Variants in TJP1 observed in about 807,000 individuals in gnomAD.
The protein encoded by TJP1 is tight junction protein ZO-1.
A neutral mutation model predicts 194.2 loss-of-function variants in TJP1; 43 were observed. The ratio of observed to expected loss-of-function variants is 0.22; its 90% confidence interval spans 0.17 to 0.29. TJP1 has a LOEUF of 0.29. Ranked by LOEUF, TJP1 falls within the 10% of genes least tolerant of loss-of-function variation. The probability of loss-of-function intolerance (pLI) is 1.00; values close to 1 mark genes in which losing one functional copy is unlikely to be tolerated. For missense variants in TJP1, 1,971 were observed against 2,185.7 expected (o/e 0.90, Z 1.96); for synonymous variants, 801 against 779.0 (o/e 1.03, Z -0.47).
intron 2 of TJP1, among the ~76,000 whole-genome samples, chr15:29,846,102 G>C (rs1410413931): frequency 6.6e-6 from 1 of 151,994 alleles, no homozygotes; most frequent in East Asian, 1.9e-4. Flanking sequence ...TTCTTCTCTT[G>C]CCTCCTGACC....
chr15:29,737,505 T>A (rs1486070116), intron 10 of TJP1, 91 bp from the exon 11 acceptor site: 2 of 1,397,408 alleles, frequency 1.4e-6, no homozygotes, highest in African/African-American at 3.1e-5. Flanking sequence ...CAGAATTAAA[T>A]AAAGAACCAT....
rs890607124 is a variant in TJP1 at position 29,720,440 on chromosome 15, G to A, written c.2681C>T (p.Thr894Ile). 5 of 1,614,000 alleles carry A rather than the reference G, an allele frequency of 3.1e-6. No homozygotes were observed. The highest frequency in any genetic ancestry group is 4.2e-6 in the Non-Finnish European group (5 of 1,180,024). The change falls in exon 19 of 28, where the codon ACA becomes ATA. Residue 894 changes from threonine to isoleucine, a missense_variant. Coordinates refer to ENST00000614355, the MANE Select transcript of TJP1 (RefSeq NM_001330239.4). ...DSSGMHHENQ[T>I]YPPYSPQAQP... ...CGCTTGTGGTGAGTAAGGAGGATAT[G>A]TTTGGTTTTCATGATGCATTCCAGA... is the stretch of plus-strand genomic sequence containing the variant.
intron 1 of TJP1, among the ~76,000 whole-genome samples, chr15:29,804,914 G>A (rs989462118): frequency 6.6e-6 from 1 of 152,140 alleles, no homozygotes; most frequent in Non-Finnish European, 1.5e-5. Context: ...GGAGACCAGA[G>A]CCGAAAGGTA....
At chr15:29,769,277 TG>T (rs1339246378) in intron 4 of TJP1, among the ~76,000 whole-genome samples, 1 of 152,200 alleles carries the variant, frequency 6.6e-6, no homozygotes, top group Non-Finnish European at 1.5e-5. Context: ...TGATTTAAAA[TG>T]TTTCATTTGA....
intron 2 of TJP1, among the ~76,000 whole-genome samples, chr15:29,831,008 C>T (rs1285789472): frequency 6.6e-6 from 1 of 151,948 alleles, no homozygotes; most frequent in African/African-American, 2.4e-5. Context: ...ACTGAAAAAC[C>T]CTGAATATCT....
At chr15:29,801,920 ATGT>A (rs1268298612) in intron 1 of TJP1, among the ~76,000 whole-genome samples, 2 of 152,094 alleles carry the variant, frequency 1.3e-5, no homozygotes, top group Non-Finnish European at 2.9e-5. Context: ...AAATCTCATA[ATGT>A]TGTAAGAAAA....
intron 2 of TJP1, among the ~76,000 whole-genome samples, chr15:29,935,217 C>G (rs1349547144): frequency 6.6e-6 from 1 of 152,190 alleles, no homozygotes; most frequent in Admixed American, 6.5e-5. Context: ...CAAACTGCCT[C>G]CACAGAACAT....
chr15:29,699,953 C>T, downstream of TJP1: 1 of 244,616 alleles, frequency 4.1e-6, no homozygotes, highest in Non-Finnish European at 7.7e-6. Context: ...CCTTCTGCCC[C>T]ACTTCAGTCT....
At chr15:29,863,052 TG>T (rs2052153099) in intron 2 of TJP1, among the ~76,000 whole-genome samples, 1 of 151,290 alleles carries the variant, frequency 6.6e-6, no homozygotes, top group Admixed American at 6.6e-5. Context: ...CCGAGCACTT[TG>T]GGAGGCCAAG....
intron 1 of TJP1, among the ~76,000 whole-genome samples, chr15:29,805,034 T>C (rs1022769170): frequency 4.6e-5 from 7 of 152,210 alleles, no homozygotes; most frequent in Non-Finnish European, 1.0e-4. Flanking sequence ...TATCAGACTA[T>C]AATTCCAATG....
chr15:29,949,909 C>T (rs867676734), intron 2 of TJP1, among the ~76,000 whole-genome samples: 2 of 62,620 alleles, frequency 3.2e-5, no homozygotes, highest in Non-Finnish European at 2.8e-5. Context: ...CAACCACCAC[C>T]TCCACCTCCA....
At chr15:29,841,097 C>T (rs1400474797) in intron 2 of TJP1, among the ~76,000 whole-genome samples, 2 of 152,110 alleles carry the variant, frequency 1.3e-5, no homozygotes, top group African/African-American at 4.8e-5. Context: ...CCATGAGCAA[C>T]AAGAACTCAC....
intron 2 of TJP1, among the ~76,000 whole-genome samples, chr15:29,935,642 C>T (rs1247349216): frequency 6.6e-6 from 1 of 152,104 alleles, no homozygotes; most frequent in Non-Finnish European, 1.5e-5. Flanking sequence ...CACCACAGTT[C>T]CCCTGCCAAT....
intron 2 of TJP1, among the ~76,000 whole-genome samples, chr15:29,938,209 C>T (rs533289022): frequency 3.3e-5 from 5 of 152,298 alleles, no homozygotes; most frequent in African/African-American, 1.2e-4. Context: ...AGGTCGGTGA[C>T]TGACTCACCT....
chr15:29,957,848 A>G (rs1366527606), intron 1 of TJP1, among the ~76,000 whole-genome samples: 3 of 152,174 alleles, frequency 2.0e-5, no homozygotes, highest in Non-Finnish European at 4.4e-5. Flanking sequence ...AAGCTTTACA[A>G]ATTTACACTT....
intron 1 of TJP1, among the ~76,000 whole-genome samples, chr15:29,808,478 T>C (rs1394430149): frequency 6.6e-6 from 1 of 152,226 alleles, no homozygotes; most frequent in Non-Finnish European, 1.5e-5. Context: ...ATTTGCCTAA[T>C]GTATTATGTT....
At chr15:29,939,760 A>T (rs1042329930) in intron 2 of TJP1, among the ~76,000 whole-genome samples, 29 of 152,258 alleles carry the variant, frequency 1.9e-4, no homozygotes, top group Non-Finnish European at 3.1e-4. Flanking sequence ...GTGCCCTTAC[A>T]AAAAAGGCCT....
intron 2 of TJP1, among the ~76,000 whole-genome samples, chr15:29,779,437 G>C (rs766783092): frequency 1.3e-5 from 2 of 152,088 alleles, no homozygotes; most frequent in Non-Finnish European, 2.9e-5. Flanking sequence ...TCCCATCTTT[G>C]GAGAGGTGGG....
intron 8 of TJP1, among the ~76,000 whole-genome samples, chr15:29,747,349 A>C (rs1182879597): frequency 2.6e-5 from 4 of 152,200 alleles, no homozygotes; most frequent in African/African-American, 7.2e-5. Context: ...TACTTGTGTA[A>C]TAAAATATCA....
Sources: allele counts gnomAD v4.1 joint callset (sites outside exome capture counted in the v4.1 genomes callset), GRCh38; gene constraint gnomAD v4.1.1; transcripts MANE v1.5; gene names NCBI Gene and HGNC (gene_info 2026-07-23, HGNC 2026-07-21).